The following XNDC1N variants were observed in gnomAD, a reference collection of about 807,000 sequenced individuals.
XNDC1N encodes the protein protein XNDC1N.
chr11:71,897,723 A>T, the XNDC1N span, among the ~76,000 whole-genome samples: 1 of 152,388 alleles, frequency 6.6e-6, no homozygotes, highest in East Asian at 1.9e-4. Context: ...CCTACCAAAA[A>T]GAATTAGAAG....
At chr11:71,893,642 C>T in the XNDC1N span, 9 of 1,147,086 alleles carry the variant, frequency 7.8e-6, no homozygotes, top group South Asian at 9.9e-5. Flanking sequence ...CTCCACACCC[C>T]CACGTACTTC....
At chr11:71,890,355 G>A in the XNDC1N span, among the ~76,000 whole-genome samples, 1 of 151,970 alleles carries the variant, frequency 6.6e-6, no homozygotes, top group African/African-American at 2.4e-5. Flanking sequence ...CGCCTCCCTG[G>A]ATATGACGAA....
At chr11:71,898,336 G>A in the XNDC1N span, among the ~76,000 whole-genome samples, 1 of 152,180 alleles carries the variant, frequency 6.6e-6, no homozygotes, top group Admixed American at 6.5e-5. Flanking sequence ...CCCAGTCTCA[G>A]TGGCTCGCAC....
the XNDC1N span, chr11:71,894,326 A>AC: frequency 2.5e-6 from 1 of 392,298 alleles, no homozygotes; most frequent in African/African-American, 2.1e-5. Context: ...CCCATGCTGA[A>AC]CCTTTTCATC....
the XNDC1N span, among the ~76,000 whole-genome samples, chr11:71,909,751 G>A: frequency 9.1e-4 from 139 of 152,240 alleles, 1 homozygote; most frequent in Non-Finnish European, 1.3e-3. Flanking sequence ...TACTGTAGGA[G>A]GACATAAAGT....
chr11:71,903,783 T>C, the XNDC1N span: 1 of 358,118 alleles, frequency 2.8e-6, no homozygotes, highest in Non-Finnish European at 5.4e-6. Context: ...ACCAGGAACA[T>C]CAACATGTAT....
chr11:71,913,298 A>C, the XNDC1N span, among the ~76,000 whole-genome samples: 690 of 151,976 alleles, frequency 4.5e-3, 3 homozygotes, highest in African/African-American at 0.016. Flanking sequence ...TCCCTCTGAA[A>C]ATAGGAAGAT....
chr11:71,886,125 C>A, the XNDC1N span, among the ~76,000 whole-genome samples: 1 of 152,062 alleles, frequency 6.6e-6, no homozygotes, highest in African/African-American at 2.4e-5. Flanking sequence ...AGGATGGTCA[C>A]GTGGTGGAGA....
At chr11:71,892,726 G>A in the XNDC1N span, among the ~76,000 whole-genome samples, 2 of 151,972 alleles carry the variant, frequency 1.3e-5, no homozygotes, top group African/African-American at 4.8e-5. Flanking sequence ...TCACCAGGTT[G>A]GTCAGGCTGG....
the XNDC1N span, chr11:71,926,008 A>C: frequency 7.2e-5 from 11 of 152,336 alleles, no homozygotes; most frequent in Non-Finnish European, 1.5e-4. Flanking sequence ...ATGGTGGCTC[A>C]GGCCTGTAAT....
At chr11:71,889,680 G>A in the XNDC1N span, among the ~76,000 whole-genome samples, 2 of 152,312 alleles carry the variant, frequency 1.3e-5, no homozygotes, top group South Asian at 4.1e-4. Flanking sequence ...CCAAAACGGT[G>A]AGGCAGCCAT....
At chr11:71,908,562 T>C in the XNDC1N span, among the ~76,000 whole-genome samples, 1 of 152,034 alleles carries the variant, frequency 6.6e-6, no homozygotes, top group Non-Finnish European at 1.5e-5. Context: ...AGCGATATAC[T>C]GGGTTAGATG....
At chr11:71,883,016 T>C in the XNDC1N span, among the ~76,000 whole-genome samples, 1 of 152,088 alleles carries the variant, frequency 6.6e-6, no homozygotes, top group East Asian at 1.9e-4. Flanking sequence ...AAAGATAAGA[T>C]ATTTAAGAAT....
chr11:71,878,961 C>T, the XNDC1N span, among the ~76,000 whole-genome samples: 1 of 152,124 alleles, frequency 6.6e-6, no homozygotes, highest in African/African-American at 2.4e-5. Flanking sequence ...GTTCATGCCA[C>T]TGCACACCAG....
the XNDC1N span, among the ~76,000 whole-genome samples, chr11:71,897,318 CA>C: frequency 6.6e-6 from 1 of 152,094 alleles, no homozygotes; most frequent in African/African-American, 2.4e-5. Flanking sequence ...AATATATTTG[CA>C]AAGCATATAT....
chr11:71,906,673 C>A, the XNDC1N span, among the ~76,000 whole-genome samples: 139,497 of 152,160 alleles, frequency 0.92, 64,325 homozygotes, highest in Non-Finnish European at 0.98. Context: ...ATGACGAAGA[C>A]TATTAAAAGG....
At chr11:71,918,253 T>TACA in the XNDC1N span, among the ~76,000 whole-genome samples, 1 of 152,204 alleles carries the variant, frequency 6.6e-6, no homozygotes, top group Admixed American at 6.5e-5. Context: ...CACAGATATT[T>TACA]ACAGGTGTAT....
chr11:71,920,254 G>C, the XNDC1N span, among the ~76,000 whole-genome samples: 1 of 151,104 alleles, frequency 6.6e-6, no homozygotes, highest in African/African-American at 2.4e-5. Context: ...CACCGTGCCC[G>C]GCCCAAAAGC....
At chr11:71,893,750 A>G in the XNDC1N span, 3 of 1,173,162 alleles carry the variant, frequency 2.6e-6, no homozygotes, top group Non-Finnish European at 3.5e-6. Flanking sequence ...GTCATCTCTC[A>G]TGCGGACTGC....
Sources: allele counts gnomAD v4.1 joint callset (sites outside exome capture counted in the v4.1 genomes callset), GRCh38; gene constraint gnomAD v4.1.1; transcripts MANE v1.5; gene names NCBI Gene and HGNC (gene_info 2026-07-23, HGNC 2026-07-21).